SMAD2: variants seen among roughly 807,000 people sequenced by gnomAD.
SMAD2 encodes MAD homolog 2.
A neutral mutation model predicts 64.4 loss-of-function variants in SMAD2; 8 were observed. The observed-to-expected ratio is 0.12, with a 90% CI of 0.07 to 0.22. The LOEUF (loss-of-function observed/expected upper bound fraction) is 0.22, where lower values mean the gene tolerates loss of function less well. Ranked by LOEUF, SMAD2 falls within the 10% of genes least tolerant of loss-of-function variation. The pLI is 1.00. For missense variants in SMAD2, 289 were observed against 561.2 expected (o/e 0.51, Z 4.90); for synonymous variants, 203 against 195.8 (o/e 1.04, Z -0.31).
intron 2 of SMAD2, among the ~76,000 whole-genome samples, chr18:47,876,470 A>T (rs2032270075): frequency 6.6e-6 from 1 of 152,064 alleles, no homozygotes; most frequent in African/African-American, 2.4e-5. Flanking sequence ...ACAGTTTCTT[A>T]AAGACAGATT....
chr18:47,868,421 A>T lies in SMAD2; in HGVS notation c.557T>A (p.Ile186Asn). The T allele has an allele frequency of 6.2e-6, 10 of 1,612,054 alleles. No individual in the cohort carries two copies. The highest frequency in any genetic ancestry group is 1.3e-5 in the African/African-American group (1 of 74,970). ...PPVLVPRHTE[I>N]LTELPPLDDY... ...ATCCAGAGGCGGAAGTTCTGTTAGG[A>T]TCTCGGTGTGTCGGGGCACTAATAC... The change falls in exon 5 of 11, where the codon ATC becomes AAC. Residue 186 changes from isoleucine to asparagine, a missense_variant. Coordinates refer to ENST00000262160, the MANE Select transcript of SMAD2 (RefSeq NM_005901.6).
chr18:47,890,978 C>A (rs1261682617), intron 2 of SMAD2, among the ~76,000 whole-genome samples: 1 of 152,116 alleles, frequency 6.6e-6, no homozygotes, highest in Non-Finnish European at 1.5e-5. Flanking sequence ...AGACAGTCTG[C>A]ATAAAGTTAC....
At chr18:47,921,305 C>T (rs955833487) in intron 1 of SMAD2, among the ~76,000 whole-genome samples, 3 of 152,170 alleles carry the variant, frequency 2.0e-5, no homozygotes, top group African/African-American at 7.2e-5. Flanking sequence ...GTAATATACA[C>T]ACAAAATTGT....
chr18:47,910,367 G>A (rs947771339), intron 1 of SMAD2, among the ~76,000 whole-genome samples: 4 of 132,980 alleles, frequency 3.0e-5, no homozygotes, highest in Non-Finnish European at 4.9e-5. Flanking sequence ...ATTGACATAG[G>A]ACAATCTAGC....
intron 1 of SMAD2, among the ~76,000 whole-genome samples, chr18:47,929,453 T>C (rs1304720769): frequency 2.0e-5 from 3 of 152,238 alleles, no homozygotes; most frequent in African/African-American, 7.2e-5. Context: ...TTCCAAGTTA[T>C]TTATTTATTA....
chr18:47,914,334 T>C (rs910836574), intron 1 of SMAD2, among the ~76,000 whole-genome samples: 38 of 152,198 alleles, frequency 2.5e-4, no homozygotes, highest in African/African-American at 8.2e-4. Context: ...TTGCTGTGCC[T>C]CTAAATATAG....
intron 5 of SMAD2, among the ~76,000 whole-genome samples, chr18:47,867,871 T>G (rs1396560911): frequency 6.6e-6 from 1 of 152,142 alleles, no homozygotes; most frequent in Non-Finnish European, 1.5e-5. Context: ...TCTATAGAAC[T>G]AAGTATTATA....
rs1179766106 is a variant in SMAD2, at chr18:47,820,917, A to G, written c.*20910T>C. On this transcript the variant is annotated 3_prime_UTR_variant, in exon 11 of 11. Coordinates refer to ENST00000262160, the MANE Select transcript of SMAD2 (RefSeq NM_005901.6). Reference sequence around the variant, plus strand: ...ACTATACACACACACACACACACACACACACACACACACACACACACACAA... The same window carrying G: ...ACTATACACACACACACACACACACGCACACACACACACACACACACACAA... 2 of 56,656 alleles carry G rather than the reference A, an allele frequency of 3.5e-5. No homozygotes were observed. The highest frequency in any genetic ancestry group is 5.1e-5 in the African/African-American group (1 of 19,578). The allele number at this position is 56,656 out of a possible 1,614,324, so 3.5% of individuals were successfully genotyped here. A position where few individuals can be genotyped will look rare whatever the true frequency, so the allele number is the denominator to read the frequency against.
At chr18:47,881,939 G>T (rs993549207) in intron 2 of SMAD2, among the ~76,000 whole-genome samples, 1 of 151,132 alleles carries the variant, frequency 6.6e-6, no homozygotes, top group Non-Finnish European at 1.5e-5. Context: ...GTGTGGTGGC[G>T]TGATCACTGC....
At chr18:47,889,404 G>C (rs757223357) in intron 2 of SMAD2, among the ~76,000 whole-genome samples, 1 of 151,894 alleles carries the variant, frequency 6.6e-6, no homozygotes, top group Admixed American at 6.6e-5. Context: ...GAATGTCCTG[G>C]GTATGACATT....
intron 1 of SMAD2, among the ~76,000 whole-genome samples, chr18:47,903,864 G>A (rs1568101501): frequency 1.7e-5 from 1 of 59,674 alleles, no homozygotes; most frequent in Non-Finnish European, 3.3e-5. Flanking sequence ...CACAAAGAGG[G>A]AAAAAACAGT....
chr18:47,853,983 T>C (rs745330154), intron 6 of SMAD2, among the ~76,000 whole-genome samples: 1 of 152,164 alleles, frequency 6.6e-6, no homozygotes, highest in Admixed American at 6.5e-5. Context: ...AGTAGGATCA[T>C]TTAAATTAAC....
chr18:47,855,196 CAT>C (rs1242769338), intron 6 of SMAD2, among the ~76,000 whole-genome samples: 1 of 152,168 alleles, frequency 6.6e-6, no homozygotes, highest in Non-Finnish European at 1.5e-5. Context: ...AACGAAATGA[CAT>C]TATTACTTGA....
rs1019123968 is a variant in SMAD2, at chr18:47,830,312, C to T, written c.*11515G>A. The T allele has an allele frequency of 1.3e-5, 2 of 152,050 alleles. No homozygotes were observed. Among genetic ancestry groups the T allele is most frequent in the Non-Finnish European group, 2.9e-5 (2 of 68,032 alleles). 9.4% of individuals were successfully genotyped at this position (152,050 alleles called of 1,614,324 possible). On this transcript the variant is annotated 3_prime_UTR_variant, in exon 11 of 11. Coordinates refer to ENST00000262160, the MANE Select transcript of SMAD2 (RefSeq NM_005901.6). ...CACTTTTCAGCCAGGCATGATGGCT[C>T]ACGCCTGTAATTCCAGCACTTTGGG...
rs771024208 is a variant in SMAD2, at chr18:47,896,694, T to C, written c.63A>G (p.Ser21=). 5.0e-6 allele frequency: 8 copies of C among 1,614,118 alleles called. No individual in the cohort carries two copies. Among genetic ancestry groups the C allele is most frequent in the South Asian group, 4.4e-5 (4 of 91,076 alleles). The change falls in exon 2 of 11, where the codon TCA becomes TCG. Residue 21 remains serine (S), a synonymous_variant. Coordinates refer to ENST00000262160, the MANE Select transcript of SMAD2 (RefSeq NM_005901.6). ...CGCCTGCTCCTCCAGACCCACCAGC[T>C]GACTTCTTCCATCCCAGCAGTCTCT... The part of the protein sequence containing the change: ...VVKRLLGWKK[S]AGGSGGAGGG...
At chr18:47,880,035 G>A (rs1273331871) in intron 2 of SMAD2, among the ~76,000 whole-genome samples, 1 of 152,096 alleles carries the variant, frequency 6.6e-6, no homozygotes, top group Non-Finnish European at 1.5e-5. Context: ...TTACATTACT[G>A]AGTTATAGAA....
Position 47,896,455 on chromosome 18 carries a change from A to G in SMAD2, c.236+66T>C. The G allele has an allele frequency of 2.6e-6, 4 of 1,538,104 alleles. No homozygotes were observed. In the Admixed American group the frequency reaches 6.7e-5, roughly 26 times the overall value. On this transcript the variant is annotated intron_variant, in intron 2 of 10. Transcript: ENST00000262160. Reference sequence around the variant, plus strand: ...TACAGGCAACTTGAAAGGAACACAAATTCAGTAACTTTCCTTCAGATTCCT... The same window carrying G: ...TACAGGCAACTTGAAAGGAACACAAGTTCAGTAACTTTCCTTCAGATTCCT...
At chr18:47,908,258 T>C (rs1271986406) in intron 1 of SMAD2, among the ~76,000 whole-genome samples, 1 of 152,082 alleles carries the variant, frequency 6.6e-6, no homozygotes, top group Non-Finnish European at 1.5e-5. Context: ...AGGACAAAAA[T>C]TGAGAGCCCA....
At chr18:47,855,632 C>T (rs906966679) in intron 6 of SMAD2, among the ~76,000 whole-genome samples, 2 of 151,662 alleles carry the variant, frequency 1.3e-5, no homozygotes, top group African/African-American at 2.4e-5. Flanking sequence ...GTACTTTTTT[C>T]TTTTTTTCAG....
Sources: allele counts gnomAD v4.1 joint callset (sites outside exome capture counted in the v4.1 genomes callset), GRCh38; gene constraint gnomAD v4.1.1; transcripts MANE v1.5; gene names NCBI Gene and HGNC (gene_info 2026-07-23, HGNC 2026-07-21).